The following PRKN variants were observed in gnomAD, a reference collection of about 807,000 sequenced individuals.
The protein encoded by PRKN is E3 ubiquitin-protein ligase parkin.
A neutral mutation model predicts 59.5 loss-of-function variants in PRKN; 56 were observed. That is an observed-to-expected ratio of 0.94 (90% CI 0.76 to 1.18). The LOEUF is 1.18. PRKN is among the 50% of genes most tolerant of loss of function. PRKN has a pLI of 0.00. For synonymous variants in PRKN, 250 were observed against 222.1 expected (o/e 1.13, Z -1.12); for missense variants, 657 against 596.4 (o/e 1.10, Z -1.06).
At chr6:162,022,876 G>A (rs1284350303) in intron 5 of PRKN, among the ~76,000 whole-genome samples, 1 of 152,084 alleles carries the variant, frequency 6.6e-6, no homozygotes, top group Non-Finnish European at 1.5e-5. Flanking sequence ...ATCTGCATAT[G>A]CCTAGCCAGT....
chr6:162,225,025 A>C (rs1199186432), intron 3 of PRKN, among the ~76,000 whole-genome samples: 1 of 152,140 alleles, frequency 6.6e-6, no homozygotes, highest in East Asian at 1.9e-4. Context: ...GTAATTTATC[A>C]AGAAAACATT....
At chr6:162,538,020 A>G (rs1778788085) in intron 1 of PRKN, among the ~76,000 whole-genome samples, 2 of 152,238 alleles carry the variant, frequency 1.3e-5, no homozygotes, top group Non-Finnish European at 2.9e-5. Context: ...TGGTATAAAT[A>G]TAGTCATCTT....
At chr6:162,685,430 A>G (rs1779933411) in intron 1 of PRKN, among the ~76,000 whole-genome samples, 1 of 152,140 alleles carries the variant, frequency 6.6e-6, no homozygotes, top group Non-Finnish European at 1.5e-5. Context: ...ATATATAACT[A>G]TTAATTTCAC....
intron 1 of PRKN, among the ~76,000 whole-genome samples, chr6:162,661,129 C>G (rs192122530): frequency 6.6e-6 from 1 of 151,950 alleles, no homozygotes; most frequent in Non-Finnish European, 1.5e-5. Flanking sequence ...GGAGTGGTGG[C>G]GCATGCCTGT....
chr6:161,687,184 C>T (rs1480152191), intron 7 of PRKN, among the ~76,000 whole-genome samples: 1 of 151,238 alleles, frequency 6.6e-6, no homozygotes, highest in South Asian at 2.1e-4. Context: ...GTCAGGAGTT[C>T]GAGACTAGTC....
chr6:161,483,737 A>C lies in PRKN; in HGVS notation c.1083+65117T>G, dbSNP rs1050830002. ...GGGAGTGGCATAGTGAGATCCTGGC[A>C]GGAGCACTGTTCACAATAGCAAAGA... On this transcript the variant is annotated intron_variant, in intron 9 of 11. Coordinates refer to ENST00000366898, the MANE Select transcript of PRKN (RefSeq NM_004562.3). This position sits in a 1 kb window ranked among gnomAD's most constrained non-coding sequence, Gnocchi z 5.0. Among the ~76,000 whole-genome samples the C allele has an allele frequency of 4.6e-5, 7 of 152,182 alleles. No individual in the cohort carries two copies. Among genetic ancestry groups the C allele is most frequent in the African/African-American group, 7.2e-5 (3 of 41,446 alleles).
In PRKN at chr6:161,677,308, TG is replaced by T. The variant is rs573383568; in HGVS notation, c.872-107893del. ...AAGTGTTTGGTGAGGGGGGTGAAGA[TG>T]GGGGAAGTGGCATTGCGAGAGATGC... On this transcript the variant is annotated intron_variant, in intron 7 of 11. Transcript: ENST00000366898. Among the ~76,000 whole-genome samples, 12 of 148,512 alleles carry T rather than the reference TG, an allele frequency of 8.1e-5. No individual in the cohort carries two copies. The South Asian group carries it at 2.7e-3, about 33-fold the overall frequency.
chr6:161,728,912 CCT>C (rs1787562062), intron 7 of PRKN, among the ~76,000 whole-genome samples: 1 of 152,178 alleles, frequency 6.6e-6, no homozygotes, highest in African/African-American at 2.4e-5. Flanking sequence ...CGCAGTGACC[CCT>C]CTCCTGCAGG....
intron 1 of PRKN, among the ~76,000 whole-genome samples, chr6:162,550,942 T>C (rs530285964): frequency 1.3e-5 from 2 of 152,126 alleles, no homozygotes; most frequent in African/African-American, 2.4e-5. Context: ...TGGCTGCTCA[T>C]ATCCTACGCA....
rs200678348 is a variant in PRKN at position 162,352,468 on chromosome 6, G to A, written c.172-89703C>T. Among the ~76,000 whole-genome samples the A allele has an allele frequency of 5.9e-5, 9 of 152,236 alleles. No individual in the cohort carries two copies. The East Asian group carries it at 1.7e-3, about 29-fold the overall frequency. On this transcript the variant is annotated intron_variant, in intron 2 of 11. Coordinates refer to ENST00000366898, the MANE Select transcript of PRKN (RefSeq NM_004562.3). ...TCTCTTAATCCAAAGCGCTGTTTTA[G>A]AAAAGATAATCTACGTGGCAAAAAA...
At chr6:162,215,267 A>C (rs1485347342) in intron 3 of PRKN, among the ~76,000 whole-genome samples, 1 of 152,198 alleles carries the variant, frequency 6.6e-6, no homozygotes, top group African/African-American at 2.4e-5. Flanking sequence ...GGTGTTGATG[A>C]ATAAAAACGG....
intron 5 of PRKN, among the ~76,000 whole-genome samples, chr6:162,043,770 G>A (rs1444645564): frequency 6.6e-6 from 1 of 152,218 alleles, no homozygotes; most frequent in Non-Finnish European, 1.5e-5. Flanking sequence ...TGACAAGAAG[G>A]AAGCAGCAGG....
intron 4 of PRKN, among the ~76,000 whole-genome samples, chr6:162,171,270 G>A (rs1488454651): frequency 2.6e-5 from 4 of 152,114 alleles, no homozygotes; most frequent in Non-Finnish European, 5.9e-5. Context: ...AGGTGAAACA[G>A]GCTAAGATTT....
At chr6:162,659,269 C>G (rs1778788505) in intron 1 of PRKN, among the ~76,000 whole-genome samples, 1 of 151,976 alleles carries the variant, frequency 6.6e-6, no homozygotes, top group South Asian at 2.1e-4. Flanking sequence ...CAACTTCCAG[C>G]TTTGGATTTT....
chr6:162,591,010 T>TG (rs1562415348), intron 1 of PRKN, among the ~76,000 whole-genome samples: 2 of 151,946 alleles, frequency 1.3e-5, no homozygotes, highest in Non-Finnish European at 2.9e-5. Flanking sequence ...CACTGTCTCA[T>TG]GGGGGGCCCT....
At chr6:162,662,051 A>C (rs1778905903) in intron 1 of PRKN, among the ~76,000 whole-genome samples, 5 of 151,980 alleles carry the variant, frequency 3.3e-5, no homozygotes, top group South Asian at 2.1e-4. Flanking sequence ...GAGAACATGC[A>C]AGCTTATATA....
rs193055466 is a variant in PRKN at position 162,317,916 on chromosome 6, A to G, written c.172-55151T>C. Among the ~76,000 whole-genome samples, 42 of 130,238 alleles carry G rather than the reference A, an allele frequency of 3.2e-4. 3 individuals carry two copies. The East Asian group carries it at 9.6e-3, about 30-fold the overall frequency. 85.4% of individuals were successfully genotyped at this position (130,238 alleles called of 152,430 possible). ...TCTGAAGTTTTTTTAACATGGTAAAATATATATATAATCTACCTTTTTAGT... is the reference window on the plus strand; with the variant it reads ...TCTGAAGTTTTTTTAACATGGTAAAGTATATATATAATCTACCTTTTTAGT... On this transcript the variant is annotated intron_variant, in intron 2 of 11. Transcript: ENST00000366898.
intron 1 of PRKN, among the ~76,000 whole-genome samples, chr6:162,490,759 T>C (rs79719219): frequency 0.017 from 2,601 of 152,302 alleles, 48 homozygotes; most frequent in Middle Eastern, 0.041. Context: ...AAAGTTTAAA[T>C]GGAAAGATGG....
intron 2 of PRKN, among the ~76,000 whole-genome samples, chr6:162,428,545 C>T (rs1459862718): frequency 3.4e-5 from 5 of 146,790 alleles, no homozygotes; most frequent in Non-Finnish European, 7.6e-5. Flanking sequence ...TCTTTTTCTT[C>T]CACTCTCCTC....
Sources: allele counts gnomAD v4.1 joint callset (sites outside exome capture counted in the v4.1 genomes callset), GRCh38; gene constraint gnomAD v4.1.1; non-coding constraint Gnocchi (gnomAD v3.1); transcripts MANE v1.5; gene names NCBI Gene and HGNC (gene_info 2026-07-23, HGNC 2026-07-21).